Variants in NALCN observed in about 807,000 individuals in gnomAD.
NALCN encodes sodium leak channel, non-selective, also known as sodium leak channel NALCN.
Under a neutral mutation model 225.3 loss-of-function variants are expected in NALCN, and 111 were observed. That is an observed-to-expected ratio of 0.49 (90% confidence interval 0.42 to 0.58). NALCN has a LOEUF of 0.58. Among genes scored for constraint, NALCN ranks in the 20% least tolerant of loss-of-function variants. The pLI is 0.00. For missense variants in NALCN, 1,378 were observed against 2,202.4 expected (o/e 0.63, Z 7.49); for synonymous variants, 764 against 769.0 (o/e 0.99, Z 0.11).
chr13:101,113,699 T>C (rs2035559457), intron 18 of NALCN, among the ~76,000 whole-genome samples: 1 of 152,238 alleles, frequency 6.6e-6, no homozygotes, highest in Admixed American at 6.5e-5. Context: ...GACAGACTGA[T>C]ATAAATGGGC....
intron 15 of NALCN, among the ~76,000 whole-genome samples, chr13:101,146,502 G>C (rs1362814879): frequency 7.2e-5 from 11 of 152,166 alleles, no homozygotes; most frequent in African/African-American, 2.7e-4. Context: ...CACGAGTAAA[G>C]AGATTTACCA....
At chr13:101,084,724 C>A (rs2033845973) in intron 30 of NALCN, among the ~76,000 whole-genome samples, 1 of 152,164 alleles carries the variant, frequency 6.6e-6, no homozygotes, top group African/African-American at 2.4e-5. Context: ...CGAAGTTATT[C>A]ATTTTTGATT....
chr13:101,338,832 C>T (rs137956323), intron 7 of NALCN, among the ~76,000 whole-genome samples: 14 of 152,260 alleles, frequency 9.2e-5, no homozygotes, highest in East Asian at 1.9e-4. Flanking sequence ...AGTTGTAAGA[C>T]GGTTTGGTGG....
chr13:101,301,252 C>A (rs2043954524), intron 7 of NALCN, among the ~76,000 whole-genome samples: 1 of 152,184 alleles, frequency 6.6e-6, no homozygotes, highest in Admixed American at 6.5e-5. Context: ...CACACGCCAA[C>A]TACAGCACTC....
At chr13:101,082,662 A>G in intron 33 of NALCN, 147 bp downstream of exon 33, 1 of 766,488 alleles carries the variant, frequency 1.3e-6, no homozygotes, top group Non-Finnish European at 2.2e-6. Context: ...CGAGTTAAGC[A>G]GAACCGCTTA....
intron 10 of NALCN, among the ~76,000 whole-genome samples, chr13:101,271,307 A>G (rs1268072868): frequency 6.6e-6 from 1 of 151,826 alleles, no homozygotes; most frequent in Non-Finnish European, 1.5e-5. Flanking sequence ...TATATTAGAT[A>G]CATATTGAAT....
intron 17 of NALCN, among the ~76,000 whole-genome samples, chr13:101,129,862 C>T (rs946268055): frequency 6.6e-6 from 1 of 151,858 alleles, no homozygotes; most frequent in African/African-American, 2.4e-5. Flanking sequence ...CTAATGCTAT[C>T]CCTCCCCTTG....
chr13:101,057,537 T>TGTCCCTTTTTTGAGAACTTCGTGGCA (rs2031415473), intron 43 of NALCN: 1 of 235,656 alleles, frequency 4.2e-6, no homozygotes, highest in Non-Finnish European at 8.3e-6. Flanking sequence ...ATCGGGGGCC[T>TGTCCCTTTTTTGAGAACTTCGTGGCA]GTCCCTTTTT....
At chr13:101,220,531 A>AT (rs1458786328) in intron 13 of NALCN, among the ~76,000 whole-genome samples, 1 of 152,132 alleles carries the variant, frequency 6.6e-6, no homozygotes, top group Non-Finnish European at 1.5e-5. Context: ...TTTCACCTTT[A>AT]GTAACATTTA....
intron 14 of NALCN, among the ~76,000 whole-genome samples, chr13:101,189,856 T>C (rs2039611321): frequency 6.6e-6 from 1 of 152,034 alleles, no homozygotes; most frequent in African/African-American, 2.4e-5. Flanking sequence ...GTGGAAAGAG[T>C]AGAATTAGAG....
chr13:101,400,481 A>G (rs1293405279), intron 1 of NALCN, among the ~76,000 whole-genome samples: 2 of 152,168 alleles, frequency 1.3e-5, no homozygotes, highest in African/African-American at 4.8e-5. Flanking sequence ...GTCTAGAGAA[A>G]GAAACCTAAC....
chr13:101,256,659 A>G (rs1282945910), intron 11 of NALCN, among the ~76,000 whole-genome samples: 4 of 151,734 alleles, frequency 2.6e-5, no homozygotes, highest in Admixed American at 2.0e-4. Context: ...CTTGCTTCCT[A>G]CTTCCTGGGA....
chr13:101,357,077 A>G (rs182826677), intron 6 of NALCN, among the ~76,000 whole-genome samples: 21 of 152,346 alleles, frequency 1.4e-4, no homozygotes, highest in Admixed American at 5.9e-4. Flanking sequence ...CACAGCCAGT[A>G]TCATACTGAA....
At position 101,054,823 on chromosome 13, in the gene NALCN, C is replaced by T. The variant is rs145711214; in HGVS notation, c.*472G>A. 0.017 allele frequency: 2,584 copies of T among 152,758 alleles called. 28 individuals carry two copies. Among genetic ancestry groups the T allele is most frequent in the Non-Finnish European group, 0.024 (1,634 of 68,474 alleles). 9.5% of individuals were successfully genotyped at this position (152,758 alleles called of 1,614,324 possible). A position where few individuals can be genotyped will look rare whatever the true frequency, so the allele number is the denominator to read the frequency against. On this transcript the variant is annotated 3_prime_UTR_variant, in exon 44 of 44. Coordinates refer to ENST00000251127, the MANE Select transcript of NALCN (RefSeq NM_052867.4). ...CATTTTAGCATAAGTTCAGTGCTGACCTTTTCAGATCAATCATAAATAATA... is the reference window on the plus strand; with the variant it reads ...CATTTTAGCATAAGTTCAGTGCTGATCTTTTCAGATCAATCATAAATAATA...
intron 11 of NALCN, among the ~76,000 whole-genome samples, chr13:101,238,674 A>G (rs1024941047): frequency 1.1e-4 from 17 of 151,996 alleles, no homozygotes; most frequent in African/African-American, 3.1e-4. Context: ...AAAATTTGCA[A>G]TAGAAGATTA....
chr13:101,373,740 T>C (rs1214016930), intron 6 of NALCN, among the ~76,000 whole-genome samples: 1 of 152,108 alleles, frequency 6.6e-6, no homozygotes, highest in African/African-American at 2.4e-5. Flanking sequence ...CCGTACCTCA[T>C]AAGAAATACA....
At chr13:101,260,495 G>A (rs2042389681) in intron 10 of NALCN, among the ~76,000 whole-genome samples, 1 of 152,184 alleles carries the variant, frequency 6.6e-6, no homozygotes, top group Non-Finnish European at 1.5e-5. Context: ...CAACAGTGTA[G>A]AAGGGTTCCC....
At chr13:101,348,188 G>C (rs1396247642) in intron 6 of NALCN, among the ~76,000 whole-genome samples, 4 of 152,130 alleles carry the variant, frequency 2.6e-5, no homozygotes, top group Admixed American at 2.6e-4. Flanking sequence ...TCACATTTCA[G>C]ATATTTGGAG....
At position 101,115,430 on chromosome 13, in the gene NALCN, A is replaced by G. The variant is rs1172017842; in HGVS notation, c.2193-4204T>C. Among the ~76,000 whole-genome samples, 3 of 152,294 alleles carry G rather than the reference A, an allele frequency of 2.0e-5. No homozygotes were observed. The East Asian group carries it at 5.8e-4, about 29-fold the overall frequency. ...AGATCAGATCTGTTGCTGGGAACAT[A>G]GTCTCCATATACCTCCTCTTACAGG... is the stretch of plus-strand genomic sequence containing the variant. On this transcript the variant is annotated intron_variant, in intron 18 of 43. Transcript: ENST00000251127.
Sources: allele counts gnomAD v4.1 joint callset (sites outside exome capture counted in the v4.1 genomes callset), GRCh38; gene constraint gnomAD v4.1.1; transcripts MANE v1.5; gene names NCBI Gene and HGNC (gene_info 2026-07-23, HGNC 2026-07-21).